Variants in SAMD5 observed in about 807,000 individuals in gnomAD.
SAMD5 encodes sterile alpha motif domain containing 5, also known as sterile alpha motif domain-containing protein 5.
Under a neutral mutation model 11.3 loss-of-function variants are expected in SAMD5, and 13 were observed. That is an observed-to-expected ratio of 1.15 (90% confidence interval 0.75 to 1.83). The LOEUF (loss-of-function observed/expected upper bound fraction) is 1.83, where lower values mean the gene tolerates loss of function less well. Ranked by LOEUF, SAMD5 falls within the 40% of genes most tolerant of loss-of-function variation. SAMD5 has a pLI of 0.00. For missense variants in SAMD5, 255 were observed against 239.1 expected (o/e 1.07, Z -0.44); for synonymous variants, 129 against 111.3 (o/e 1.16, Z -1.00).
the SAMD5 span, among the ~76,000 whole-genome samples, chr6:147,802,838 A>T: frequency 6.6e-6 from 1 of 152,250 alleles, no homozygotes; most frequent in African/African-American, 2.4e-5. Context: ...ACAGTGAGCA[A>T]TATGACACAG....
chr6:147,661,685 A>G (rs1395672257), intron 1 of SAMD5, among the ~76,000 whole-genome samples: 2 of 152,148 alleles, frequency 1.3e-5, no homozygotes, highest in African/African-American at 2.4e-5. Context: ...GCTGGAGTGC[A>G]GTGGTGCTGT....
rs1388022871 is a variant in SAMD5, at chr6:147,509,132, C to T, written c.204C>T (p.Asn68=). ...AVRRLREQDA[N]AAGLYFTLEP... ...GCCGGCTGCGGGAGCAGGACGCCAACGCCGCCGGCCTCTACTTCACGCTTG... is the reference window on the plus strand; with the variant it reads ...GCCGGCTGCGGGAGCAGGACGCCAATGCCGCCGGCCTCTACTTCACGCTTG... Residue 68 remains asparagine, a synonymous_variant, in exon 1 of 2, where the codon AAC becomes AAT. Transcript: ENST00000367474. 1.3e-6 allele frequency: 2 copies of T among 1,555,112 alleles called. No individual in the cohort carries two copies. Among genetic ancestry groups the T allele is most frequent in the Non-Finnish European group, 1.7e-6 (2 of 1,153,340 alleles).
At chr6:147,909,632 C>CT in the SAMD5 span, among the ~76,000 whole-genome samples, 1 of 61,166 alleles carries the variant, frequency 1.6e-5, no homozygotes, top group African/African-American at 1.1e-4. Context: ...TTCTTTCTTT[C>CT]TCTTTCTTGT....
chr6:147,629,948 C>CTTTT (rs770484060), intron 1 of SAMD5, among the ~76,000 whole-genome samples: 1 of 123,248 alleles, frequency 8.1e-6, no homozygotes, highest in Non-Finnish European at 1.7e-5. Flanking sequence ...GTTTTCTTTT[C>CTTTT]TTTTTTTTTT....
chr6:147,603,694 A>G (rs1022952274), intron 1 of SAMD5, among the ~76,000 whole-genome samples: 1 of 152,052 alleles, frequency 6.6e-6, no homozygotes, highest in Non-Finnish European at 1.5e-5. Flanking sequence ...TTCCTCACCA[A>G]TACCTTTTCA....
At chr6:147,904,588 T>C in the SAMD5 span, among the ~76,000 whole-genome samples, 1 of 152,362 alleles carries the variant, frequency 6.6e-6, no homozygotes. Context: ...TGATTTCTCT[T>C]TCCCAAGCCA....
At chr6:147,663,717 G>A (rs1354018342) in intron 1 of SAMD5, among the ~76,000 whole-genome samples, 4 of 149,622 alleles carry the variant, frequency 2.7e-5, no homozygotes, top group Admixed American at 6.7e-5. Context: ...ACTTGAACCC[G>A]GGGGGCAGAG....
At position 147,508,919 on chromosome 6, in the gene SAMD5, C is replaced by G; in HGVS notation, c.-10C>G. Reference sequence around the variant, plus strand: ...GGAAGGTGCTCGGCGGCGGGGTTCCCGGTCCCACCATGTGCACCAACATAG... The same window carrying G: ...GGAAGGTGCTCGGCGGCGGGGTTCCGGGTCCCACCATGTGCACCAACATAG... On this transcript the variant is annotated 5_prime_UTR_variant, in exon 1 of 2. Transcript: ENST00000367474. 15 of 1,586,134 alleles carry G rather than the reference C, an allele frequency of 9.5e-6. No homozygotes were observed. Among genetic ancestry groups the G allele is most frequent in the Admixed American group, 1.8e-5 (1 of 56,276 alleles).
In SAMD5 at chr6:147,709,114, G is replaced by A. The variant is rs572047960; in HGVS notation, c.163-28203G>A. ...AGTTACCCTTTTTAACTTAAAGAAA[G>A]TTCTTTTATTTGCAAGCTATTCTTC... On this transcript the variant is annotated intron_variant, in intron 1 of 1. Transcript: ENST00000566741. 1.2e-4 allele frequency among the ~76,000 whole-genome samples: 19 copies of A among 152,194 alleles called. 2 individuals carry two copies. The highest frequency in any genetic ancestry group is 4.6e-4 in the African/African-American group (19 of 41,518).
At chr6:147,749,916 G>T in the SAMD5 span, among the ~76,000 whole-genome samples, 2 of 152,010 alleles carry the variant, frequency 1.3e-5, no homozygotes, top group African/African-American at 4.8e-5. Flanking sequence ...AATAAAACCC[G>T]CTTATTTTCA....
At chr6:147,619,826 T>A (rs1481329590) in intron 1 of SAMD5, among the ~76,000 whole-genome samples, 1 of 152,162 alleles carries the variant, frequency 6.6e-6, no homozygotes, top group African/African-American at 2.4e-5. Flanking sequence ...ACCTACTTGA[T>A]GATAACTCCT....
At chr6:147,680,181 C>T (rs994902574) in intron 1 of SAMD5, among the ~76,000 whole-genome samples, 1 of 152,032 alleles carries the variant, frequency 6.6e-6, no homozygotes, top group Admixed American at 6.6e-5. Context: ...GTAACTGTCT[C>T]TCCATTTATT....
chr6:147,834,147 A>T, the SAMD5 span, among the ~76,000 whole-genome samples: 2 of 152,232 alleles, frequency 1.3e-5, no homozygotes, highest in African/African-American at 2.4e-5. Context: ...AAGAGTTTAA[A>T]ATAATTTATA....
intron 1 of SAMD5, among the ~76,000 whole-genome samples, chr6:147,668,225 C>T (rs898742319): frequency 2.0e-5 from 3 of 152,140 alleles, no homozygotes; most frequent in African/African-American, 7.2e-5. Flanking sequence ...TATATACATA[C>T]GCACATACGT....
chr6:147,733,339 G>C (rs1171373824), intron 1 of SAMD5, among the ~76,000 whole-genome samples: 4 of 152,190 alleles, frequency 2.6e-5, no homozygotes, highest in Admixed American at 2.6e-4. Context: ...GTGATTTATA[G>C]TTTATTAATA....
chr6:147,821,650 G>A, the SAMD5 span, among the ~76,000 whole-genome samples: 2 of 152,200 alleles, frequency 1.3e-5, no homozygotes, highest in African/African-American at 4.8e-5. Flanking sequence ...TTCTACAGCA[G>A]ACAGATTGCA....
the SAMD5 span, among the ~76,000 whole-genome samples, chr6:147,771,185 G>T: frequency 6.6e-6 from 1 of 152,142 alleles, no homozygotes; most frequent in Non-Finnish European, 1.5e-5. Context: ...CCTATTATTT[G>T]TGGCAACTCC....
chr6:147,603,537 G>A (rs900939322), intron 1 of SAMD5, among the ~76,000 whole-genome samples: 2 of 152,102 alleles, frequency 1.3e-5, no homozygotes, highest in African/African-American at 2.4e-5. Context: ...TTGGAGGAGC[G>A]ACAAGAATGT....
chr6:147,534,260 CATG>C (rs1485665917), intron 1 of SAMD5, among the ~76,000 whole-genome samples: 3 of 152,226 alleles, frequency 2.0e-5, no homozygotes, highest in African/African-American at 7.2e-5. Flanking sequence ...CTTGTAGAGA[CATG>C]ATGAGTCACG....
Sources: gnomAD v4.1 joint callset for allele counts (sites outside exome capture counted in the v4.1 genomes callset) on GRCh38, gnomAD v4.1.1 for gene constraint, MANE v1.5 for transcripts, NCBI Gene and HGNC (gene_info 2026-07-23, HGNC 2026-07-21) for gene names.